The following CDK5RAP3 variants were observed in gnomAD, a reference collection of about 807,000 sequenced individuals.
CDK5RAP3 encodes the protein CDK5 regulatory subunit associated protein 3.
CDK5RAP3 carries 58 observed loss-of-function variants against 73.3 expected under a neutral mutation model. The observed-to-expected ratio is 0.79, with a 90% CI of 0.64 to 0.98. The LOEUF (loss-of-function observed/expected upper bound fraction) is 0.98. Ranked by LOEUF, CDK5RAP3 falls within the 50% of genes least tolerant of loss-of-function variation. CDK5RAP3 has a pLI of 0.00. For synonymous variants in CDK5RAP3, 224 were observed against 247.5 expected (o/e 0.91, Z 0.89); for missense variants, 525 against 615.8 (o/e 0.85, Z 1.56).
chr17:47,974,536 C>A, intron 5 of CDK5RAP3, 88 bp downstream of exon 5: 1 of 1,607,908 alleles, frequency 6.2e-7, no homozygotes, highest in Non-Finnish European at 8.5e-7. Context: ...GAGGCACAGT[C>A]TGTGAGTGGG....
At position 47,977,693 on chromosome 17, in the gene CDK5RAP3, G is replaced by C. The variant is rs71377332; in HGVS notation, c.910-139G>C. On this transcript the variant is annotated intron_variant, in intron 9 of 13. Transcript: ENST00000338399. ...ATGATGGGCCATACTGCCATTTTTG[G>C]CACCTAAGTCAGGGCTGCAAATCCT... 7.7e-3 allele frequency: 5,143 copies of C among 668,514 alleles called. 184 individuals are homozygous for C. The African/African-American group carries it at 0.083, about 11-fold the overall frequency. The allele number at this position is 668,514 out of a possible 1,614,324, so 41.4% of individuals were successfully genotyped here.
At chr17:47,970,964 C>T, upstream of CDK5RAP3, 1 of 1,458,878 alleles carries the variant, frequency 6.9e-7, no homozygotes, top group East Asian at 2.5e-5. Flanking sequence ...CCATTCGGAG[C>T]CTGGGGTGGG....
chr17:47,977,457 A>G (rs938840083), intron 9 of CDK5RAP3, among the ~76,000 whole-genome samples: 1 of 151,502 alleles, frequency 6.6e-6, no homozygotes. Context: ...TAATTTTTGT[A>G]TTTTTAATAG....
At chr17:47,975,017 T>C (rs753234368) in intron 5 of CDK5RAP3, 142 bp from the exon 6 acceptor site, 251 of 1,583,434 alleles carry the variant, frequency 1.6e-4, no homozygotes, top group Non-Finnish European at 2.0e-4. Flanking sequence ...AAACAACTTG[T>C]CTTAGGCTCC....
At position 47,971,156 on chromosome 17, in the gene CDK5RAP3, T is replaced by C. The variant is rs1047165703; in HGVS notation, c.6+4T>C. On this transcript the variant is annotated splice_donor_region_variant and intron_variant, in intron 1 of 13. Coordinates refer to ENST00000338399, the MANE Select transcript of CDK5RAP3 (RefSeq NM_176096.3). ...CGGAAGTGGAGGAAAGATGGAGGTGTGGGGACAGGAGCTGGGTGTGCTGGG... is the reference window on the plus strand; with the variant it reads ...CGGAAGTGGAGGAAAGATGGAGGTGCGGGGACAGGAGCTGGGTGTGCTGGG... 4 of 1,548,766 alleles carry C rather than the reference T, an allele frequency of 2.6e-6. No individual in the cohort carries two copies. Among genetic ancestry groups the C allele is most frequent in the Non-Finnish European group, 3.5e-6 (4 of 1,145,518 alleles).
chr17:47,969,052 C>T (rs932184970), upstream of CDK5RAP3, among the ~76,000 whole-genome samples: 1 of 152,176 alleles, frequency 6.6e-6, no homozygotes, highest in African/African-American at 2.4e-5. Flanking sequence ...ATTTAAGCCT[C>T]TAAACAGAAA....
intron 5 of CDK5RAP3, 36 bp downstream of exon 5, chr17:47,974,484 G>A (rs2036346602): frequency 6.2e-7 from 1 of 1,613,980 alleles, no homozygotes; most frequent in South Asian, 1.1e-5. Context: ...TGGTATCCAT[G>A]GGGAAGCCCA....
intron 11 of CDK5RAP3, 25 bp downstream of exon 11, chr17:47,978,942 G>T: frequency 6.3e-7 from 1 of 1,578,462 alleles, no homozygotes. Context: ...GGAAGATGCA[G>T]GGGGGAGGCA....
Position 47,975,600 on chromosome 17 carries a change from C to T in CDK5RAP3, c.600C>T (p.Ser200=), listed in dbSNP as rs747108207. ...AGATTGGGGCAGCGGCTCAGCAGTC[C>T]CTGGGGGAAGCCATTGACGTGTACC... The part of the protein sequence containing the change: ...LAEIGAAAQQ[S]LGEAIDVYQA... Residue 200 remains serine, a synonymous_variant, in exon 7 of 14, where the codon TCC becomes TCT. Coordinates refer to ENST00000338399, the MANE Select transcript of CDK5RAP3 (RefSeq NM_176096.3). 1 of 1,608,642 alleles carries T rather than the reference C, an allele frequency of 6.2e-7. No individual in the cohort carries two copies. Among genetic ancestry groups the T allele is most frequent in the South Asian group, 1.1e-5 (1 of 91,078 alleles).
chr17:47,977,155 T>C (rs1228386745), intron 9 of CDK5RAP3, among the ~76,000 whole-genome samples: 3 of 142,530 alleles, frequency 2.1e-5, no homozygotes, highest in Non-Finnish European at 3.1e-5. Context: ...TTATTTTGTT[T>C]GTTTGTTTGT....
chr17:47,974,107 C>A, intron 4 of CDK5RAP3, 76 bp downstream of exon 4: 1 of 1,030,874 alleles, frequency 9.7e-7, no homozygotes, highest in Non-Finnish European at 1.5e-6. Flanking sequence ...TGTGGTCTCT[C>A]TGAGGCTCCA....
At chr17:47,977,249 C>G (rs904606954) in intron 9 of CDK5RAP3, among the ~76,000 whole-genome samples, 1 of 152,042 alleles carries the variant, frequency 6.6e-6, no homozygotes, top group Non-Finnish European at 1.5e-5. Context: ...CCCGGGTTCA[C>G]GCCATTCTCC....
At chr17:47,974,747 C>T in intron 5 of CDK5RAP3, 1 of 1,299,444 alleles carries the variant, frequency 7.7e-7, no homozygotes, top group Non-Finnish European at 9.9e-7. Context: ...TGCCCCCACC[C>T]CCACCCCCGC....
intron 8 of CDK5RAP3, 62 bp downstream of exon 8, chr17:47,976,075 C>T (rs934467658): frequency 1.3e-6 from 2 of 1,561,606 alleles, no homozygotes; most frequent in African/African-American, 1.4e-5. Context: ...CCCTCCCCAC[C>T]CCCAACAGCC....
chr17:47,968,687 T>C (rs977457884), upstream of CDK5RAP3, among the ~76,000 whole-genome samples: 1 of 152,210 alleles, frequency 6.6e-6, no homozygotes, highest in African/African-American at 2.4e-5. Flanking sequence ...CCAGCTAATT[T>C]TTGTATTTTT....
chr17:47,972,885 G>A (rs370244272), intron 2 of CDK5RAP3, among the ~76,000 whole-genome samples: 1 of 152,152 alleles, frequency 6.6e-6, no homozygotes, highest in South Asian at 2.1e-4. Context: ...GAGAACCCAG[G>A]ACCATCTGAC....
chr17:47,970,807 A>G, upstream of CDK5RAP3: 1 of 1,434,924 alleles, frequency 7.0e-7, no homozygotes, highest in South Asian at 1.2e-5. Context: ...AGTGCCCGCC[A>G]GGGGAAGCGG....
At chr17:47,974,838 A>C (rs958371819) in intron 5 of CDK5RAP3, 1 of 1,298,766 alleles carries the variant, frequency 7.7e-7, no homozygotes, top group African/African-American at 1.5e-5. Flanking sequence ...CTACAGGACT[A>C]ACTGTGTTTG....
At chr17:47,972,107 A>AC (rs2036285606) in intron 2 of CDK5RAP3, among the ~76,000 whole-genome samples, 1 of 149,284 alleles carries the variant, frequency 6.7e-6, no homozygotes, top group Non-Finnish European at 1.5e-5. Context: ...AAAAAAAAAA[A>AC]CCTCATTTAA....
Sources: allele counts gnomAD v4.1 joint callset (sites outside exome capture counted in the v4.1 genomes callset), GRCh38; gene constraint gnomAD v4.1.1; transcripts MANE v1.5; gene names NCBI Gene and HGNC (gene_info 2026-07-23, HGNC 2026-07-21).